Variants in KDM1B observed in about 807,000 individuals in gnomAD.
KDM1B encodes the protein lysine demethylase 1B, also known as lysine-specific histone demethylase 2.
In KDM1B, 63 loss-of-function variants were observed where a neutral mutation model predicts 107.4. The ratio of observed to expected loss-of-function variants is 0.59; its 90% confidence interval spans 0.48 to 0.72. The LOEUF is 0.72. Among genes scored for constraint, KDM1B ranks in the 30% least tolerant of loss-of-function variants. The probability of loss-of-function intolerance (pLI) is 0.00; values close to 1 mark genes in which losing one functional copy is unlikely to be tolerated. For synonymous variants in KDM1B, 363 were observed against 363.9 expected, an observed-to-expected ratio of 1.00 and a Z score of 0.03; for missense variants, 749 against 1,020.8, an observed-to-expected ratio of 0.73 and a Z score of 3.63.
In KDM1B at chr6:18,158,994, G is replaced by A. The variant is rs528642784; in HGVS notation, c.-13-889G>A. ...TTTCTTTTATTTTTTTTGAGATGGAGTCTTGCTCTGTTGCCCAGGCTGGAG... is the reference window on the plus strand; with the variant it reads ...TTTCTTTTATTTTTTTTGAGATGGAATCTTGCTCTGTTGCCCAGGCTGGAG... On this transcript the variant is annotated intron_variant, in intron 2 of 21. Coordinates refer to ENST00000650836, the MANE Select transcript of KDM1B (RefSeq NM_001364614.2). 5.1e-4 allele frequency among the ~76,000 whole-genome samples: 78 copies of A among 152,256 alleles called. No individual in the cohort carries two copies. The Middle Eastern group carries it at 0.01, about 20-fold the overall frequency.
At chr6:18,157,198 A>G (rs562099540) in intron 2 of KDM1B, among the ~76,000 whole-genome samples, 2 of 152,294 alleles carry the variant, frequency 1.3e-5, no homozygotes, top group East Asian at 3.9e-4. Flanking sequence ...TTTTTTCTTC[A>G]TTTTAAGACC....
In KDM1B at chr6:18,222,083, C is replaced by G. The variant is rs564943740; in HGVS notation, c.*91C>G. 9.0e-7 allele frequency: 1 copy of G among 1,116,832 alleles called. No homozygotes were observed. Among genetic ancestry groups the G allele is most frequent in the South Asian group, 1.2e-5 (1 of 80,590 alleles). 69.2% of individuals were successfully genotyped at this position (1,116,832 alleles called of 1,614,324 possible). A position where few individuals can be genotyped will look rare whatever the true frequency, so the allele number is the denominator to read the frequency against. On this transcript the variant is annotated 3_prime_UTR_variant, in exon 22 of 22. Coordinates refer to ENST00000650836, the MANE Select transcript of KDM1B (RefSeq NM_001364614.2). ...CAGTTTTATAAGAGGGGGAAAAAACCGTCTCTACATAGTAAAACTGAAATG... is the reference window on the plus strand; with the variant it reads ...CAGTTTTATAAGAGGGGGAAAAAACGGTCTCTACATAGTAAAACTGAAATG...
In KDM1B at chr6:18,165,299, T is replaced by G. The variant is rs1785225759; in HGVS notation, c.306-968T>G. ...GCACCCGCTACCACACCTGGCTAAT[T>G]TTTTGTATTTTTAGTAGAGACGGGG... is the stretch of plus-strand genomic sequence containing the variant. On this transcript the variant is annotated intron_variant, in intron 5 of 21. Coordinates refer to ENST00000650836, the MANE Select transcript of KDM1B (RefSeq NM_001364614.2). 2.0e-5 allele frequency among the ~76,000 whole-genome samples: 3 copies of G among 151,682 alleles called. No individual in the cohort carries two copies. The South Asian group carries it at 6.2e-4, about 31-fold the overall frequency.
rs1357010076 is a variant in KDM1B at position 18,214,002 on chromosome 6, A to G, written c.2109+221A>G. 6.6e-6 allele frequency among the ~76,000 whole-genome samples: 1 copy of G among 152,172 alleles called. No individual in the cohort carries two copies. The highest frequency in any genetic ancestry group is 2.4e-5 in the African/African-American group (1 of 41,450). ...AAGTCCTCATGTTGCTCCCTGGGAC[A>G]TGAATTGGATGCTTGTGGAAACTGT... On this transcript the variant is annotated intron_variant, in intron 19 of 21. Transcript: ENST00000650836. The surrounding 1 kb of genome is among the most constrained non-coding windows in gnomAD (Gnocchi z 4.4).
At chr6:18,208,601 A>ATGTATATATATATG (rs1554149797) in intron 17 of KDM1B, among the ~76,000 whole-genome samples, 2 of 38,278 alleles carry the variant, frequency 5.2e-5, no homozygotes, top group African/African-American at 2.0e-4. Context: ...AAGTATGTGT[A>ATGTATATATATATG]TGTATATATA....
rs1788171011 is a variant in KDM1B, at chr6:18,203,407, G to A, written c.1531+1750G>A. 6.6e-6 allele frequency among the ~76,000 whole-genome samples: 1 copy of A among 152,104 alleles called. No individual in the cohort carries two copies. Among genetic ancestry groups the A allele is most frequent in the Admixed American group, 6.5e-5 (1 of 15,272 alleles). ...AGTAGTGCACACATCTCTGTGTAAG[G>A]CTATAGTTATATCCTGCCTGTTGGT... On this transcript the variant is annotated intron_variant, in intron 14 of 21. Coordinates refer to ENST00000650836, the MANE Select transcript of KDM1B (RefSeq NM_001364614.2). The surrounding 1 kb of genome is among the most constrained non-coding windows in gnomAD (Gnocchi z 5.5).
chr6:18,202,075 A>G (rs1322536839), intron 14 of KDM1B, among the ~76,000 whole-genome samples: 3 of 152,074 alleles, frequency 2.0e-5, no homozygotes, highest in African/African-American at 2.4e-5. Context: ...TTTTTCCAGT[A>G]TATTTTAAGA....
intron 5 of KDM1B, among the ~76,000 whole-genome samples, chr6:18,163,823 T>G (rs1785117957): frequency 6.6e-6 from 1 of 152,222 alleles, no homozygotes; most frequent in Admixed American, 6.5e-5. Context: ...TGTCAAAGTT[T>G]GCTTTATGGC....
chr6:18,163,401 G>A (rs1785095801), intron 5 of KDM1B, among the ~76,000 whole-genome samples: 1 of 152,106 alleles, frequency 6.6e-6, no homozygotes, highest in South Asian at 2.1e-4. Context: ...ACATCTAGGA[G>A]ATGTTGATTC....
intron 21 of KDM1B, among the ~76,000 whole-genome samples, chr6:18,221,688 G>T (rs1320817923): frequency 6.6e-6 from 1 of 152,164 alleles, no homozygotes; most frequent in Non-Finnish European, 1.5e-5. Context: ...ATTTTAAAGA[G>T]TGCTGCGTAG....
chr6:18,171,719 C>T (rs1234173662), intron 7 of KDM1B, among the ~76,000 whole-genome samples: 4 of 152,082 alleles, frequency 2.6e-5, no homozygotes, highest in Non-Finnish European at 5.9e-5. Context: ...GGTTTTGTTG[C>T]CCAAGGAAAT....
At chr6:18,182,110 C>G (rs559676578) in intron 7 of KDM1B, among the ~76,000 whole-genome samples, 1 of 152,260 alleles carries the variant, frequency 6.6e-6, no homozygotes, top group South Asian at 2.1e-4. Flanking sequence ...AGGAGGGCCT[C>G]AGAGGTGTCA....
Position 18,200,308 on chromosome 6 carries a change from G to GA in KDM1B, c.1222-131_1222-130insA. The GA allele has an allele frequency of 1.0e-6, 1 of 953,770 alleles. No homozygotes were observed. The highest frequency in any genetic ancestry group is 1.5e-6 in the Non-Finnish European group (1 of 650,240). The allele number at this position is 953,770 out of a possible 1,614,324, so 59.1% of individuals were successfully genotyped here. ...TTCACACTGCCTGCTTTTTAAAGTT[G>GA]TTTTTTTAGAAATATTTGGAATTAA... On this transcript the variant is annotated intron_variant, in intron 12 of 21. Transcript: ENST00000650836. This position sits in a 1 kb window ranked among gnomAD's most constrained non-coding sequence, Gnocchi z 4.3.
chr6:18,215,214 T>C (rs1260657180), intron 20 of KDM1B, 85 bp downstream of exon 20: 12 of 1,462,496 alleles, frequency 8.2e-6, no homozygotes, highest in African/African-American at 1.4e-5. Context: ...CCAGCGTCAC[T>C]GAGAATCACA....
At chr6:18,180,186 C>T (rs964844869) in intron 7 of KDM1B, among the ~76,000 whole-genome samples, 4 of 151,814 alleles carry the variant, frequency 2.6e-5, no homozygotes, top group South Asian at 2.1e-4. Context: ...GACATGAGGG[C>T]GTGGGCAGTT....
At chr6:18,192,359 A>G (rs1188610217) in intron 10 of KDM1B, among the ~76,000 whole-genome samples, 1 of 152,234 alleles carries the variant, frequency 6.6e-6, no homozygotes, top group Non-Finnish European at 1.5e-5. Flanking sequence ...ACATTGTGCA[A>G]GACTGCCAAA....
rs763147713 is a variant in KDM1B at position 18,204,395 on chromosome 6, G to A, written c.1532-1142G>A. 2.0e-5 allele frequency among the ~76,000 whole-genome samples: 3 copies of A among 152,052 alleles called. No homozygotes were observed. Among genetic ancestry groups the A allele is most frequent in the Non-Finnish European group, 4.4e-5 (3 of 67,988 alleles). ...GCTACTTGGGAGGCCGATTGCTGGA[G>A]CCCCGGAAGTTGAGGCTGCAGTGAG... is the stretch of plus-strand genomic sequence containing the variant. On this transcript the variant is annotated intron_variant, in intron 14 of 21. Transcript: ENST00000650836. The surrounding 1 kb of genome is among the most constrained non-coding windows in gnomAD (Gnocchi z 4.9).
Position 18,214,009 on chromosome 6 carries a change from G to T in KDM1B, c.2109+228G>T, listed in dbSNP as rs577887187. ...CATGTTGCTCCCTGGGACATGAATT[G>T]GATGCTTGTGGAAACTGTCATTTCA... is the stretch of plus-strand genomic sequence containing the variant. On this transcript the variant is annotated intron_variant, in intron 19 of 21. Transcript: ENST00000650836. The surrounding 1 kb of genome is among the most constrained non-coding windows in gnomAD (Gnocchi z 4.4). Among the ~76,000 whole-genome samples the T allele has an allele frequency of 2.0e-5, 3 of 152,120 alleles. No individual in the cohort carries two copies. Among genetic ancestry groups the T allele is most frequent in the South Asian group, 2.1e-4 (1 of 4,822 alleles).
chr6:18,186,930 G>T lies in KDM1B; in HGVS notation c.574-862G>T, dbSNP rs1035656827. The stretch of plus-strand genomic sequence containing the variant: ...CAATTCAAGATGAGATTTGAGTGGG[G>T]ACCCAGCCAAACCATATCAGTATGT... On this transcript the variant is annotated intron_variant, in intron 8 of 21. Transcript: ENST00000650836. This position sits in a 1 kb window ranked among gnomAD's most constrained non-coding sequence, Gnocchi z 5.6. 6.6e-5 allele frequency among the ~76,000 whole-genome samples: 10 copies of T among 151,546 alleles called. No homozygotes were observed. Among genetic ancestry groups the T allele is most frequent in the Admixed American group, 1.3e-4 (2 of 15,192 alleles).
Sources: allele counts gnomAD v4.1 joint callset (sites outside exome capture counted in the v4.1 genomes callset), GRCh38; gene constraint gnomAD v4.1.1; non-coding constraint Gnocchi (gnomAD v3.1); transcripts MANE v1.5; gene names NCBI Gene and HGNC (gene_info 2026-07-23, HGNC 2026-07-21).